The following PRAMEF14 variants were observed in gnomAD, a reference collection of about 807,000 sequenced individuals.
PRAMEF14 encodes the protein PRAME family member 14.
Under a neutral mutation model 38.3 loss-of-function variants are expected in PRAMEF14, and 24 were observed. The observed-to-expected ratio is 0.63, with a 90% confidence interval of 0.45 to 0.88. The LOEUF (loss-of-function observed/expected upper bound fraction) is 0.88. Ranked by LOEUF, PRAMEF14 falls within the 40% of genes least tolerant of loss-of-function variation. PRAMEF14 has a pLI of 0.00. For missense variants in PRAMEF14, 477 were observed against 570.8 expected (o/e 0.84, Z 1.67); for synonymous variants, 194 against 226.4 (o/e 0.86, Z 1.29).
At chr1:13,343,633 G>T (rs1302751026) in intron 3 of PRAMEF14, 1 of 1,321,058 alleles carries the variant, frequency 7.6e-7, no homozygotes, top group Non-Finnish European at 1.0e-6. Context: ...TCACTAAGCC[G>T]GTGAGGACAG....
intron 1 of PRAMEF14, among the ~76,000 whole-genome samples, chr1:13,346,626 A>G (rs1157559305): frequency 1.0e-4 from 15 of 148,782 alleles, no homozygotes; most frequent in African/African-American, 3.7e-4. Context: ...TCCTAGGGGC[A>G]AAGATAAATC....
Position 13,343,425 on chromosome 1 carries a change from G to C in PRAMEF14, c.867-339C>G, listed in dbSNP as rs1273508704. 1.3e-5 allele frequency: 7 copies of C among 544,302 alleles called. No homozygotes were observed. In the African/African-American group the frequency reaches 1.3e-4, roughly 10 times the overall value. The allele number at this position is 544,302 out of a possible 1,614,324, so 33.7% of individuals were successfully genotyped here. On this transcript the variant is annotated intron_variant, in intron 3 of 3. Coordinates refer to ENST00000334600, the MANE Select transcript of PRAMEF14 (RefSeq NM_001024661.2). ...AAAGAACTCAACTCAGCAAGGTCTA[G>C]GGACATCAGCTAGGGCTACATGTCG...
chr1:13,344,744 T>G, intron 2 of PRAMEF14, 128 bp from the exon 3 acceptor site: 1 of 1,465,038 alleles, frequency 6.8e-7, no homozygotes, highest in Non-Finnish European at 9.3e-7. Flanking sequence ...CTTTTCTCAA[T>G]CCCTGTTCCC....
intron 3 of PRAMEF14, chr1:13,343,500 A>G (rs1197721747): frequency 0.01 from 11,617 of 1,136,870 alleles, 320 homozygotes; most frequent in Non-Finnish European, 0.011. Flanking sequence ...GTCACTTTTT[A>G]CCACTCTCAC....
chr1:13,343,996 C>G, intron 3 of PRAMEF14, 42 bp downstream of exon 3: 1 of 1,604,420 alleles, frequency 6.2e-7, no homozygotes. Flanking sequence ...CAGAACAAGG[C>G]TATGCTGTGG....
In PRAMEF14 at chr1:13,341,919, T is replaced by G. The variant is rs1640332382; in HGVS notation, c.*609A>C. On this transcript the variant is annotated 3_prime_UTR_variant, in exon 4 of 4. Coordinates refer to ENST00000334600, the MANE Select transcript of PRAMEF14 (RefSeq NM_001024661.2). ...AATGATCAAATTCTATTTGGTTGCT[T>G]TGATGTTCTACAGCTGAAACTCAAT... 1 of 154,508 alleles carries G rather than the reference T, an allele frequency of 6.5e-6. No individual in the cohort carries two copies. The highest frequency in any genetic ancestry group is 2.4e-5 in the African/African-American group (1 of 41,396). The allele number at this position is 154,508 out of a possible 1,614,324, so 9.6% of individuals were successfully genotyped here. A position where few individuals can be genotyped will look rare whatever the true frequency, so the allele number is the denominator to read the frequency against.
chr1:13,344,754 C>G, intron 2 of PRAMEF14, 138 bp from the exon 3 acceptor site: 1 of 1,451,626 alleles, frequency 6.9e-7, no homozygotes. Flanking sequence ...TCCCTGTTCC[C>G]TTTTGATTCC....
chr1:13,344,606 G>A lies in PRAMEF14; in HGVS notation c.298C>T (p.Leu100Phe), dbSNP rs1444657465. The change falls in exon 3 of 4, where the codon CTT becomes TTT. Residue 100 changes from leucine to phenylalanine, a missense_variant. Transcript: ENST00000334600. Reference sequence around the variant, plus strand: ...ACATCCCGCAAATCCAGCACTTGAAGTTTCCACCTCCTGTGGGTAAAGTAA... The same window carrying A: ...ACATCCCGCAAATCCAGCACTTGAAATTTCCACCTCCTGTGGGTAAAGTAA... ...TQKDRPRRWK[L>F]QVLDLRDVDE... is the part of the protein sequence containing the mutation. 1.1e-5 allele frequency: 17 copies of A among 1,604,234 alleles called. 1 individual carries two copies. In the African/African-American group the frequency reaches 2.0e-4, roughly 19 times the overall value.
chr1:13,344,117 A>C lies in PRAMEF14; in HGVS notation c.787T>G (p.Phe263Val). ...AACTGGAGGTGTTCCAGCCTGAGGAACACAGAGCTGAATTTGGTGACTAAC... is the reference window on the plus strand; with the variant it reads ...AACTGGAGGTGTTCCAGCCTGAGGACCACAGAGCTGAATTTGGTGACTAAC... ...GRLVTKFSSVFLRLEHLQLLK... is the reference protein window; with the variant it reads ...GRLVTKFSSVVLRLEHLQLLK... Residue 263 changes from phenylalanine to valine, a missense_variant, in exon 3 of 4, where the codon TTC (phenylalanine) becomes GTC (valine). This residue lies in a region of PRAMEF14 where 234 missense variants were observed against 247.4 expected (regional missense o/e 0.95). Transcript: ENST00000334600. 1.9e-6 allele frequency: 3 copies of C among 1,606,852 alleles called. No individual in the cohort carries two copies. The highest frequency in any genetic ancestry group is 2.5e-6 in the Non-Finnish European group (3 of 1,177,310).
Position 13,342,478 on chromosome 1 carries a change from G to T in PRAMEF14, c.*50C>A, listed in dbSNP as rs1553186784. On this transcript the variant is annotated 3_prime_UTR_variant, in exon 4 of 4. Transcript: ENST00000334600. ...CTACATAGTAGATTTTAGTGTCCCA[G>T]TGCCTGGAAGAGAACTTTGGATTTC... 5.6e-6 allele frequency: 9 copies of T among 1,601,646 alleles called. No homozygotes were observed. The highest frequency in any genetic ancestry group is 7.7e-6 in the Non-Finnish European group (9 of 1,174,468).
chr1:13,344,637 A>G lies in PRAMEF14; in HGVS notation c.288-21T>C, dbSNP rs1479580259. 196 of 1,604,130 alleles carry G rather than the reference A, an allele frequency of 1.2e-4. 28 individuals are homozygous for G. In the East Asian group the frequency reaches 3.4e-3, roughly 28 times the overall value. ...ACCTCCTGTGGGTAAAGTAAGGGAG[A>G]GACTCAGAATTTAGAAGGACTCATC... is the stretch of plus-strand genomic sequence containing the variant. On this transcript the variant is annotated intron_variant, in intron 2 of 3. Coordinates refer to ENST00000334600, the MANE Select transcript of PRAMEF14 (RefSeq NM_001024661.2).
In PRAMEF14 at chr1:13,344,321, G is replaced by C; in HGVS notation, c.583C>G (p.Leu195Val). ...LVNYLTPIKHLRKSLKIIYLN... is the reference protein window; with the variant it reads ...LVNYLTPIKHVRKSLKIIYLN... ...TATATTATTTTCAATGACTTTCTGAGATGTTTAATCGGCGTTAGATAATTG... is the reference window on the plus strand; with the variant it reads ...TATATTATTTTCAATGACTTTCTGACATGTTTAATCGGCGTTAGATAATTG... The change falls in exon 3 of 4, where the codon CTC (leucine) becomes GTC (valine). Residue 195 changes from leucine (L) to valine (V), a missense_variant. This residue lies in a region of PRAMEF14 where 234 missense variants were observed against 247.4 expected (regional missense o/e 0.95). Transcript: ENST00000334600. 7 of 1,608,038 alleles carry C rather than the reference G, an allele frequency of 4.4e-6. 1 individual carries two copies. The highest frequency in any genetic ancestry group is 5.9e-6 in the Non-Finnish European group (7 of 1,178,266).
At chr1:13,343,946 T>C in intron 3 of PRAMEF14, 92 bp downstream of exon 3, 1 of 1,574,926 alleles carries the variant, frequency 6.3e-7, no homozygotes, top group Non-Finnish European at 8.7e-7. Flanking sequence ...ACGTTGCCAC[T>C]GGCTGGCACA....
chr1:13,342,376 T>A lies in PRAMEF14; in HGVS notation c.*152A>T, dbSNP rs1640339526. The A allele has an allele frequency of 7.8e-7, 1 of 1,289,714 alleles. No homozygotes were observed. The highest frequency in any genetic ancestry group is 1.0e-6 in the Non-Finnish European group (1 of 963,090). The allele number at this position is 1,289,714 out of a possible 1,614,324, so 79.9% of individuals were successfully genotyped here. On this transcript the variant is annotated 3_prime_UTR_variant, in exon 4 of 4. Transcript: ENST00000334600. ...CCCAGAGCAACACAGAGAAACCCTG[T>A]CTCAAATTGTCTTTAATAAAAATTT...
intron 2 of PRAMEF14, 66 bp from the exon 3 acceptor site, chr1:13,344,682 C>T: frequency 1.3e-6 from 2 of 1,597,292 alleles, no homozygotes; most frequent in Non-Finnish European, 1.7e-6. Flanking sequence ...TGCTTTCATT[C>T]TCATCCCATA....
rs749927030 is a variant in PRAMEF14, at chr1:13,342,687, C to G, written c.1266G>C (p.Leu422Phe). ...CGAAGATCTCCCAATCGACACGAAC[C>G]AAGGAATTCAAACTCTCCTCAGGGG... ...YPAPEESLNS[L>F]VRVDWEIFAL... The change falls in exon 4 of 4, where the codon TTG becomes TTC. Residue 422 changes from leucine (L) to phenylalanine (F), a missense_variant. Coordinates refer to ENST00000334600, the MANE Select transcript of PRAMEF14 (RefSeq NM_001024661.2). 3 of 1,605,206 alleles carry G rather than the reference C, an allele frequency of 1.9e-6. No homozygotes were observed. The highest frequency in any genetic ancestry group is 2.5e-6 in the Non-Finnish European group (3 of 1,178,068).
At chr1:13,343,959 G>T in intron 3 of PRAMEF14, 79 bp downstream of exon 3, 1 of 1,594,560 alleles carries the variant, frequency 6.3e-7, no homozygotes, top group Non-Finnish European at 8.6e-7. Context: ...CTGGCACACA[G>T]TACACGCCTT....
chr1:13,346,739 T>C (rs1640409186), intron 1 of PRAMEF14, among the ~76,000 whole-genome samples: 1 of 149,382 alleles, frequency 6.7e-6, no homozygotes, highest in Non-Finnish European at 1.5e-5. Context: ...TAACACCAAG[T>C]CTATGAACTG....
rs199679113 is a variant in PRAMEF14 at position 13,342,607 on chromosome 1, C to A, written c.1346G>T (p.Arg449Met). The change falls in exon 4 of 4, where the codon AGG becomes ATG. Residue 449 changes from arginine to methionine, a missense_variant. Physicochemically the swap from Arg to Met is moderately conservative, Grantham distance 91. Coordinates refer to ENST00000334600, the MANE Select transcript of PRAMEF14 (RefSeq NM_001024661.2). The part of the protein sequence containing the change: ...CTLREVRQPK[R>M]IFIGPTPCPS... ...GCAGGGGGTGGGACCAATGAAGATC[C>A]TCTTGGGCTGCCTGACTTCCCTCAG... is the stretch of plus-strand genomic sequence containing the variant. 6.2e-7 allele frequency: 1 copy of A among 1,604,818 alleles called. No homozygotes were observed. The highest frequency in any genetic ancestry group is 8.5e-7 in the Non-Finnish European group (1 of 1,177,850).
Sources: allele counts gnomAD v4.1 joint callset (sites outside exome capture counted in the v4.1 genomes callset), GRCh38; gene constraint gnomAD v4.1.1; regional missense constraint gnomAD v4.1.1; transcripts MANE v1.5; gene names NCBI Gene and HGNC (gene_info 2026-07-23, HGNC 2026-07-21).